The following RSPH14 variants were observed in gnomAD, a reference collection of about 807,000 sequenced individuals.
RSPH14 encodes radial spoke head 14 homolog, also known as rhabdoid tumor deletion region gene 1.
In RSPH14, 20 loss-of-function variants were observed where a neutral mutation model predicts 26.7. The ratio of observed to expected loss-of-function variants is 0.75; its 90% CI spans 0.53 to 1.09. The LOEUF (loss-of-function observed/expected upper bound fraction) is 1.09. Among genes scored for constraint, RSPH14 ranks in the 50% least tolerant of loss-of-function variants. The probability of loss-of-function intolerance (pLI) is 0.00; values close to 1 mark genes in which losing one functional copy is unlikely to be tolerated. For synonymous variants in RSPH14, 177 were observed against 189.3 expected, an observed-to-expected ratio of 0.93 and a Z score of 0.53; for missense variants, 449 against 457.2, an observed-to-expected ratio of 0.98 and a Z score of 0.16.
At chr22:23,145,301 T>G, upstream of RSPH14, 3 of 1,288,766 alleles carry the variant, frequency 2.3e-6, no homozygotes, top group South Asian at 3.6e-5. Context: ...TCTCCGGCTC[T>G]CCAGGGTGTC....
At chr22:23,134,165 A>C (rs1241179954) in intron 3 of RSPH14, 21 bp from the exon 4 acceptor site, 1 of 1,556,506 alleles carries the variant, frequency 6.4e-7, no homozygotes, top group South Asian at 1.1e-5. Flanking sequence ...GAGGGTGGAC[A>C]GTGACATAAG....
the RSPH14 span, chr22:23,159,033 T>TA: frequency 7.5e-6 from 12 of 1,593,462 alleles, no homozygotes; most frequent in South Asian, 1.1e-4. Flanking sequence ...TGCCTCCCCT[T>TA]ACAGCCCTCA....
At chr22:23,123,446 G>A in intron 4 of RSPH14, 1 of 1,565,046 alleles carries the variant, frequency 6.4e-7, no homozygotes, top group South Asian at 1.1e-5. Flanking sequence ...CTGGGCCCGG[G>A]GCCCGCCTGC....
At chr22:23,111,653 A>G (rs1440606698) in intron 4 of RSPH14, among the ~76,000 whole-genome samples, 1 of 152,252 alleles carries the variant, frequency 6.6e-6, no homozygotes, top group East Asian at 1.9e-4. Flanking sequence ...CCAGAGCAGA[A>G]GTGACATGCC....
At chr22:23,095,734 C>T in intron 4 of RSPH14, 1 of 1,611,832 alleles carries the variant, frequency 6.2e-7, no homozygotes, top group Non-Finnish European at 8.5e-7. Context: ...AAGAAGCAGC[C>T]CGGCGGTCCC....
the RSPH14 span, among the ~76,000 whole-genome samples, chr22:23,176,440 CTTTG>C: frequency 6.6e-6 from 1 of 152,214 alleles, no homozygotes; most frequent in African/African-American, 2.4e-5. Flanking sequence ...CCACCTGTTT[CTTTG>C]TTTGATCACC....
At chr22:23,087,562 G>A (rs1001221656) in intron 4 of RSPH14, among the ~76,000 whole-genome samples, 3 of 152,254 alleles carry the variant, frequency 2.0e-5, no homozygotes, top group African/African-American at 7.2e-5. Flanking sequence ...AGTAATTCAT[G>A]AAGAGCTGGC....
At chr22:23,138,971 C>A (rs201984118) in intron 2 of RSPH14, 29 bp from the exon 3 acceptor site, 103 of 1,504,752 alleles carry the variant, frequency 6.8e-5, no homozygotes, top group African/African-American at 2.7e-4. Context: ...ACAAACAAAC[C>A]AACCCTTGAA....
chr22:23,099,195 C>T (rs1341504267), intron 4 of RSPH14, among the ~76,000 whole-genome samples: 3 of 152,252 alleles, frequency 2.0e-5, no homozygotes, highest in South Asian at 2.1e-4. Flanking sequence ...CCAAGGAGAA[C>T]GTCAGTGTCT....
upstream of RSPH14, among the ~76,000 whole-genome samples, chr22:23,147,829 C>G (rs962156800): frequency 6.6e-6 from 1 of 152,194 alleles, no homozygotes; most frequent in Non-Finnish European, 1.5e-5. Flanking sequence ...TCTTCAGGAG[C>G]TGACATGCAA....
At chr22:23,085,962 TC>T (rs1314207564) in intron 4 of RSPH14, among the ~76,000 whole-genome samples, 2 of 152,228 alleles carry the variant, frequency 1.3e-5, no homozygotes, top group African/African-American at 4.8e-5. Flanking sequence ...CAGGCGCTAA[TC>T]CCCGCTGTTT....
At chr22:23,077,284 G>C (rs2068532570) in intron 4 of RSPH14, among the ~76,000 whole-genome samples, 1 of 152,156 alleles carries the variant, frequency 6.6e-6, no homozygotes, top group Admixed American at 6.5e-5. Context: ...TGAGTCCCAT[G>C]AGCAGCTCAG....
chr22:23,088,504 T>A (rs1035625941), intron 4 of RSPH14, among the ~76,000 whole-genome samples: 1 of 151,822 alleles, frequency 6.6e-6, no homozygotes, highest in African/African-American at 2.4e-5. Flanking sequence ...CAAACTGGGG[T>A]CAGGATGGGG....
the RSPH14 span, among the ~76,000 whole-genome samples, chr22:23,154,048 G>A: frequency 6.6e-6 from 1 of 152,050 alleles, no homozygotes; most frequent in East Asian, 1.9e-4. Context: ...GCCTCCACTG[G>A]CCTTACCCCT....
At chr22:23,073,516 C>A (rs2068427971) in intron 4 of RSPH14, among the ~76,000 whole-genome samples, 1 of 152,180 alleles carries the variant, frequency 6.6e-6, no homozygotes, top group South Asian at 2.1e-4. Context: ...GCCCCTTTTT[C>A]TCTGAACCTC....
chr22:23,110,827 T>G (rs2069624773), intron 4 of RSPH14, among the ~76,000 whole-genome samples: 1 of 152,160 alleles, frequency 6.6e-6, no homozygotes, highest in African/African-American at 2.4e-5. Flanking sequence ...GAGAGCTCAG[T>G]GTTGGGAAGG....
chr22:23,103,563 T>C (rs2069367939), intron 4 of RSPH14, among the ~76,000 whole-genome samples: 1 of 152,188 alleles, frequency 6.6e-6, no homozygotes, highest in Non-Finnish European at 1.5e-5. Flanking sequence ...CCAGAGCGGC[T>C]CTTCACTTGC....
At position 23,079,197 on chromosome 22, in the gene RSPH14, A is replaced by G. The variant is rs372556704; in HGVS notation, c.422-15064T>C. Among the ~76,000 whole-genome samples the G allele has an allele frequency of 4.1e-4, 62 of 152,308 alleles. 2 individuals carry two copies. In the South Asian group the frequency reaches 0.012, roughly 29 times the overall value. ...AAATTATACAGTGTGCTAGAAAGGG[A>G]CCATGCTTGGGGCAAGGCAGCACAC... On this transcript the variant is annotated intron_variant, in intron 4 of 6. Transcript: ENST00000216036.
the RSPH14 span, chr22:23,153,021 C>T: frequency 2.5e-6 from 4 of 1,602,272 alleles, no homozygotes; most frequent in Non-Finnish European, 2.6e-6. Flanking sequence ...ACGACTTCCT[C>T]ATCCCCCACA....
Sources: allele counts gnomAD v4.1 joint callset (sites outside exome capture counted in the v4.1 genomes callset), GRCh38; gene constraint gnomAD v4.1.1; transcripts MANE v1.5; gene names NCBI Gene and HGNC (gene_info 2026-07-23, HGNC 2026-07-21).